SLC22A9: variants seen among roughly 807,000 people sequenced by gnomAD.
SLC22A9 encodes the protein organic anion transporter 7.
Under a neutral mutation model 50.1 loss-of-function variants are expected in SLC22A9, and 64 were observed. The ratio of observed to expected loss-of-function variants is 1.28; its 90% CI spans 1.04 to 1.57. SLC22A9 has a LOEUF of 1.57. Among genes scored for constraint, SLC22A9 ranks in the 40% most tolerant of loss-of-function variants. The pLI is 0.00. For synonymous variants in SLC22A9, 261 were observed against 242.5 expected (o/e 1.08, Z -0.71); for missense variants, 757 against 676.1 (o/e 1.12, Z -1.33).
intron 6 of SLC22A9, among the ~76,000 whole-genome samples, chr11:63,385,390 G>A (rs897919736): frequency 3.9e-5 from 6 of 151,980 alleles, no homozygotes; most frequent in Non-Finnish European, 8.8e-5. Context: ...GGGCAGTATG[G>A]CCATTTTCAC....
intron 6 of SLC22A9, among the ~76,000 whole-genome samples, chr11:63,392,880 G>A (rs1159282165): frequency 6.6e-6 from 1 of 152,058 alleles, no homozygotes; most frequent in African/African-American, 2.4e-5. Context: ...AATAAGGGTT[G>A]CTTCACATTT....
At chr11:63,371,488 C>T (rs2014359564) in intron 2 of SLC22A9, among the ~76,000 whole-genome samples, 1 of 152,010 alleles carries the variant, frequency 6.6e-6, no homozygotes, top group South Asian at 2.1e-4. Flanking sequence ...GAGAAGGTAC[C>T]ACAACATGTG....
intron 6 of SLC22A9, among the ~76,000 whole-genome samples, chr11:63,385,431 A>T (rs1252498518): frequency 6.6e-6 from 1 of 151,990 alleles, no homozygotes. Flanking sequence ...ATGAAGATGG[A>T]ATGTTTTTCC....
intron 6 of SLC22A9, among the ~76,000 whole-genome samples, chr11:63,397,773 AG>A (rs1301291027): frequency 6.6e-6 from 1 of 152,064 alleles, no homozygotes; most frequent in Non-Finnish European, 1.5e-5. Flanking sequence ...ATTACCTTTC[AG>A]GGAAATGGGC....
intron 6 of SLC22A9, among the ~76,000 whole-genome samples, chr11:63,397,525 A>C (rs531918238): frequency 6.6e-6 from 1 of 152,308 alleles, no homozygotes; most frequent in African/African-American, 2.4e-5. Flanking sequence ...ACCAGGGCTT[A>C]GAGTCAGAAA....
Position 63,401,585 on chromosome 11 carries a change from T to C in SLC22A9, c.1074-4912T>C, listed in dbSNP as rs542323757. Among the ~76,000 whole-genome samples, 13 of 152,214 alleles carry C rather than the reference T, an allele frequency of 8.5e-5. No individual in the cohort carries two copies. The South Asian group carries it at 2.5e-3, about 29-fold the overall frequency. ...ATCTACAGATTCAATGCAATCTCTA[T>C]CAAAATACCAATGACATTCTTCACA... On this transcript the variant is annotated intron_variant, in intron 6 of 9. Coordinates refer to ENST00000279178, the MANE Select transcript of SLC22A9 (RefSeq NM_080866.3).
chr11:63,373,053 C>T (rs1393876670), intron 2 of SLC22A9, among the ~76,000 whole-genome samples: 1 of 151,996 alleles, frequency 6.6e-6, no homozygotes, highest in African/African-American at 2.4e-5. Flanking sequence ...TATATTGTTC[C>T]AGTTGTCTAC....
rs773860512 is a variant in SLC22A9 at position 63,409,884 on chromosome 11, C to A, written c.*22C>A. Reference sequence around the variant, plus strand: ...TTAAGGAATTCCAGGAGCTGACTGCCGATCAATGAGCCAGATGAAGGGAAC... The same window carrying A: ...TTAAGGAATTCCAGGAGCTGACTGCAGATCAATGAGCCAGATGAAGGGAAC... On this transcript the variant is annotated 3_prime_UTR_variant, in exon 10 of 10. Coordinates refer to ENST00000279178, the MANE Select transcript of SLC22A9 (RefSeq NM_080866.3). 2 of 1,612,382 alleles carry A rather than the reference C, an allele frequency of 1.2e-6. No individual in the cohort carries two copies. The highest frequency in any genetic ancestry group is 4.5e-5 in the East Asian group (2 of 44,756).
rs749311973 is a variant in SLC22A9, at chr11:63,370,231, G to C, written c.175G>C (p.Val59Leu). ...GGTCCACATCCTGGACAATGACACT[G>C]TCTCTGACAATGACACTGGGGCCCT... The part of the protein sequence containing the change: ...CWVHILDNDT[V>L]SDNDTGALSQ... The change falls in exon 1 of 10, where the codon GTC (valine) becomes CTC (leucine). Residue 59 changes from valine to leucine, a missense_variant. Transcript: ENST00000279178. 6.8e-6 allele frequency: 11 copies of C among 1,614,052 alleles called. No homozygotes were observed. Among genetic ancestry groups the C allele is most frequent in the Non-Finnish European group, 7.6e-6 (9 of 1,179,940 alleles).
intron 5 of SLC22A9, among the ~76,000 whole-genome samples, chr11:63,378,107 T>G (rs2014495848): frequency 1.3e-5 from 2 of 151,930 alleles, no homozygotes; most frequent in Non-Finnish European, 2.9e-5. Flanking sequence ...ACAGCTAAAT[T>G]CTACCAGACA....
rs1470655914 is a variant in SLC22A9, at chr11:63,371,207, G to T, written c.475G>T (p.Gly159Ter). ...KFVFMAGMMV[G>*]GILGGHLSDR... is the part of the protein sequence containing the mutation. ...TGTATTCATGGCTGGAATGATGGTG[G>T]GAGGCATCCTAGGCGGTCATTTATC... The change falls in exon 2 of 10, where the codon GGA (glycine) becomes TGA (stop). Residue 159 changes from glycine to a stop codon, truncating the protein, a stop_gained. Coordinates refer to ENST00000279178, the MANE Select transcript of SLC22A9 (RefSeq NM_080866.3). LOFTEE classifies it high-confidence loss of function. 3 of 1,613,112 alleles carry T rather than the reference G, an allele frequency of 1.9e-6. No homozygotes were observed. The highest frequency in any genetic ancestry group is 2.5e-6 in the Non-Finnish European group (3 of 1,179,402).
At chr11:63,396,033 A>G (rs2014849119) in intron 6 of SLC22A9, among the ~76,000 whole-genome samples, 1 of 152,130 alleles carries the variant, frequency 6.6e-6, no homozygotes, top group Non-Finnish European at 1.5e-5. Flanking sequence ...CAATCCAAAG[A>G]GCTGGTCTCA....
chr11:63,405,281 A>C (rs1247612852), intron 6 of SLC22A9, among the ~76,000 whole-genome samples: 1 of 152,134 alleles, frequency 6.6e-6, no homozygotes. Flanking sequence ...TAAACAGGAG[A>C]GATGACTCAA....
At chr11:63,379,120 T>C (rs1384062435) in intron 5 of SLC22A9, among the ~76,000 whole-genome samples, 3 of 152,212 alleles carry the variant, frequency 2.0e-5, no homozygotes, top group East Asian at 3.9e-4. Flanking sequence ...CTTTGAACCA[T>C]ACTACGAGAA....
At chr11:63,408,631 G>A (rs748959734) in intron 8 of SLC22A9, 45 bp from the exon 9 acceptor site, 1 of 1,556,018 alleles carries the variant, frequency 6.4e-7, no homozygotes, top group African/African-American at 1.4e-5. Flanking sequence ...AATTGCCTGT[G>A]TGGATTTTTA....
intron 9 of SLC22A9, 125 bp from the exon 10 acceptor site, chr11:63,409,677 G>C (rs1031685617): frequency 1.1e-6 from 1 of 924,844 alleles, no homozygotes; most frequent in African/African-American, 1.7e-5. Context: ...TGGGGGCAGA[G>C]ATATGGTTTT....
At chr11:63,385,964 T>C (rs1444566192) in intron 6 of SLC22A9, among the ~76,000 whole-genome samples, 2 of 152,184 alleles carry the variant, frequency 1.3e-5, no homozygotes, top group Non-Finnish European at 2.9e-5. Context: ...TTAAGGTATG[T>C]TCCTTCAAGA....
At position 63,408,221 on chromosome 11, in the gene SLC22A9, G is replaced by A; in HGVS notation, c.1397+1G>A. On this transcript the variant is annotated splice_donor_variant, in intron 8 of 9. Transcript: ENST00000279178. LOFTEE classifies it high-confidence loss of function. The stretch of plus-strand genomic sequence containing the variant: ...ATGAAGTAATTCCCACCATAATCAG[G>A]TACAGAACCTTAAGTATGCCCTGTC... 1 of 1,612,044 alleles carries A rather than the reference G, an allele frequency of 6.2e-7. No homozygotes were observed. Among genetic ancestry groups the A allele is most frequent in the South Asian group, 1.1e-5 (1 of 91,038 alleles).
intron 6 of SLC22A9, among the ~76,000 whole-genome samples, chr11:63,396,095 G>C (rs189499174): frequency 1.8e-4 from 27 of 152,258 alleles, no homozygotes; most frequent in African/African-American, 6.0e-4. Flanking sequence ...GGCAGTGAGT[G>C]AGCAGGGCTT....
Sources: allele counts gnomAD v4.1 joint callset (sites outside exome capture counted in the v4.1 genomes callset), GRCh38; gene constraint gnomAD v4.1.1; transcripts MANE v1.5; gene names NCBI Gene and HGNC (gene_info 2026-07-23, HGNC 2026-07-21).